The following LTBP2 variants were observed in gnomAD, a reference collection of about 807,000 sequenced individuals.
LTBP2 encodes the protein latent-transforming growth factor beta-binding protein 2.
LTBP2 carries 103 observed loss-of-function variants against 210.6 expected under a neutral mutation model. The ratio of observed to expected loss-of-function variants is 0.49; its 90% CI spans 0.42 to 0.58. The LOEUF is 0.58. Ranked by LOEUF, LTBP2 falls within the 20% of genes least tolerant of loss-of-function variation. The pLI is 0.00. For missense variants in LTBP2, 2,313 were observed against 2,494.5 expected, an observed-to-expected ratio of 0.93 and a Z score of 1.55; for synonymous variants, 1,007 against 1,015.0, an observed-to-expected ratio of 0.99 and a Z score of 0.15.
chr14:74,551,421 A>G (rs1460338196), intron 6 of LTBP2, 71 bp from the exon 7 acceptor site: 51 of 1,417,572 alleles, frequency 3.6e-5, no homozygotes, highest in Non-Finnish European at 4.2e-5. Flanking sequence ...TCTGAAGGGT[A>G]TCCACCACCC....
intron 34 of LTBP2, chr14:74,501,895 T>C (rs1182558237): frequency 4.2e-6 from 2 of 473,142 alleles, no homozygotes; most frequent in East Asian, 4.0e-5. Flanking sequence ...TCGAGGAGTG[T>C]GTTGCTACAT....
chr14:74,522,879 C>T lies in LTBP2; in HGVS notation c.2570G>A (p.Gly857Asp). 4 of 1,612,722 alleles carry T rather than the reference C, an allele frequency of 2.5e-6. No homozygotes were observed. Among genetic ancestry groups the T allele is most frequent in the Non-Finnish European group, 3.4e-6 (4 of 1,179,624 alleles). Residue 857 changes from glycine (G) to aspartate (D), a missense_variant, in exon 16 of 36, where the codon GGC becomes GAC. Gly to Asp is a moderately conservative substitution (Grantham distance 94). Transcript: ENST00000261978. ...RCAAGATNVC[G>D]PGTCVNLPDG... is the part of the protein sequence containing the mutation. ...GGGGAGGTTCACGCAGGTTCCAGGG[C>T]CACAGACGTTGGTGGCTCCAGCAGC... is the stretch of plus-strand genomic sequence containing the variant.
intron 1 of LTBP2, among the ~76,000 whole-genome samples, chr14:74,604,344 G>A (rs1187524350): frequency 6.6e-6 from 1 of 152,104 alleles, no homozygotes; most frequent in African/African-American, 2.4e-5. Flanking sequence ...TGGTGCGTGG[G>A]AAGGCTGAGC....
At chr14:74,555,418 T>G in intron 4 of LTBP2, 85 bp downstream of exon 4, 1 of 1,406,906 alleles carries the variant, frequency 7.1e-7, no homozygotes, top group Non-Finnish European at 1.0e-6. Flanking sequence ...TCAGCCCCTC[T>G]GTGAGAGCAG....
intron 2 of LTBP2, among the ~76,000 whole-genome samples, chr14:74,593,369 T>C (rs2088309611): frequency 6.6e-6 from 1 of 152,196 alleles, no homozygotes; most frequent in South Asian, 2.1e-4. Context: ...TTGGTTTGGT[T>C]TGACCCCAGC....
At chr14:74,546,257 AG>A (rs2087574897) in intron 8 of LTBP2, among the ~76,000 whole-genome samples, 1 of 152,218 alleles carries the variant, frequency 6.6e-6, no homozygotes, top group South Asian at 2.1e-4. Flanking sequence ...GGGATGATCT[AG>A]GATCCAGAAG....
chr14:74,591,739 T>C (rs1243314149), intron 2 of LTBP2, among the ~76,000 whole-genome samples: 3 of 152,236 alleles, frequency 2.0e-5, no homozygotes, highest in Admixed American at 1.3e-4. Flanking sequence ...AAATGGTCCA[T>C]GATGGTGGCT....
intron 30 of LTBP2, among the ~76,000 whole-genome samples, chr14:74,504,523 G>C (rs2086957842): frequency 2.6e-5 from 4 of 152,216 alleles, no homozygotes; most frequent in Admixed American, 2.6e-4. Flanking sequence ...GTTAGTCAAG[G>C]CATCATAGTT....
chr14:74,611,747 G>A lies in LTBP2; in HGVS notation c.198C>T (p.Ala66=), dbSNP rs751396960. 6.2e-7 allele frequency: 1 copy of A among 1,605,754 alleles called. No individual in the cohort carries two copies. The highest frequency in any genetic ancestry group is 1.7e-5 in the Admixed American group (1 of 59,866). Residue 66 remains alanine (A), a synonymous_variant, in exon 1 of 36, where the codon GCC becomes GCT. Coordinates refer to ENST00000261978, the MANE Select transcript of LTBP2 (RefSeq NM_000428.3). ...PGGSYPAAAA[A]KVYSLFREQD... is the part of the protein sequence containing the mutation. ...GCTCCCGGAACAGACTGTACACCTT[G>A]GCTGCAGCCGCTGCCGGGTAGCTGC...
chr14:74,506,105 T>G lies in LTBP2; in HGVS notation c.4120A>C (p.Ser1374Arg). 6.2e-7 allele frequency: 1 copy of G among 1,614,188 alleles called. No individual in the cohort carries two copies. Among genetic ancestry groups the G allele is most frequent in the Non-Finnish European group, 8.5e-7 (1 of 1,180,034 alleles). Residue 1374 changes from serine to arginine, a missense_variant, in exon 28 of 36, where the codon AGT (serine) becomes CGT (arginine). Physicochemically the swap from Ser to Arg is moderately radical, Grantham distance 110. Transcript: ENST00000261978. ...TGGGCATCGTACTCCTCCAGGTCAC[T>G]GGCACAGAGGCACAGGAAGGAGCCC... ...VEGSFLCLCA[S>R]DLEEYDAQEG...
rs1566629926 is a variant in LTBP2, at chr14:74,540,824, T to TTG, written c.1790-4825_1790-4824insCA. 4.9e-4 allele frequency among the ~76,000 whole-genome samples: 34 copies of TTG among 69,518 alleles called. 1 individual carries two copies. In the South Asian group the frequency reaches 5.9e-3, roughly 12 times the overall value. 45.6% of individuals were successfully genotyped at this position (69,518 alleles called of 152,430 possible). ...ATATATATATAATATATATATATTT[T>TTG]TATATAATATATATTTATATATATT... On this transcript the variant is annotated intron_variant, in intron 8 of 35. Transcript: ENST00000261978.
intron 3 of LTBP2, among the ~76,000 whole-genome samples, chr14:74,567,178 C>A (rs879901979): frequency 6.6e-6 from 1 of 152,168 alleles, no homozygotes; most frequent in Non-Finnish European, 1.5e-5. Flanking sequence ...CCCGGTCCCC[C>A]CTCAAGGGCA....
At chr14:74,540,944 A>ATATTTTTT (rs1248514534) in intron 8 of LTBP2, among the ~76,000 whole-genome samples, 1 of 24,300 alleles carries the variant, frequency 4.1e-5, no homozygotes, top group African/African-American at 9.1e-5. Context: ...ATATATATAT[A>ATATTTTTT]TTTTTTATAT....
rs1433970567 is a variant in LTBP2, at chr14:74,504,045, T to A, written c.4463A>T (p.Glu1488Val). Residue 1488 changes from glutamate to valine, a missense_variant, in exon 31 of 36, where the codon GAG (glutamate) becomes GTG (valine). By Grantham distance (121) the Glu-to-Val change is moderately radical. Coordinates refer to ENST00000261978, the MANE Select transcript of LTBP2 (RefSeq NM_000428.3). ...FGQTMYTDADECVIFGPGLCP... is the reference protein window; with the variant it reads ...FGQTMYTDADVCVIFGPGLCP... ...GAGACCAGGCCCGAATATCACACAC[T>A]CATCCGCATCTGTGGAAGGCAGAGC... 1.2e-6 allele frequency: 2 copies of A among 1,613,806 alleles called. No individual in the cohort carries two copies. The highest frequency in any genetic ancestry group is 1.7e-6 in the Non-Finnish European group (2 of 1,179,944).
rs1431431496 is a variant in LTBP2 at position 74,498,286 on chromosome 14, C to T, written c.*2598G>A. On this transcript the variant is annotated 3_prime_UTR_variant, in exon 36 of 36. Coordinates refer to ENST00000261978, the MANE Select transcript of LTBP2 (RefSeq NM_000428.3). ...AGTGAAAAGTCTCCCAATCCTGTAC[C>T]TATCCACCCTGTCACCCTCCCCACA... 1 of 185,580 alleles carries T rather than the reference C, an allele frequency of 5.4e-6. No individual in the cohort carries two copies. The highest frequency in any genetic ancestry group is 1.1e-5 in the Non-Finnish European group (1 of 87,722). The allele number at this position is 185,580 out of a possible 1,614,324, so 11.5% of individuals were successfully genotyped here.
chr14:74,596,649 A>G (rs982050421), intron 2 of LTBP2, among the ~76,000 whole-genome samples: 2 of 152,208 alleles, frequency 1.3e-5, no homozygotes, highest in Non-Finnish European at 2.9e-5. Flanking sequence ...CCTGGCCCAG[A>G]GAGGCAGCAG....
At position 74,522,824 on chromosome 14, in the gene LTBP2, G is replaced by A. The variant is rs2087224500; in HGVS notation, c.2625C>T (p.Gly875=). Residue 875 remains glycine, a synonymous_variant, in exon 16 of 36, where the codon GGC becomes GGT. Coordinates refer to ENST00000261978, the MANE Select transcript of LTBP2 (RefSeq NM_000428.3). ...PDGYRCVCSP[G]YQLHPSQAYC... is the part of the protein sequence containing the mutation. ...AGGCCTGGCTGGGGTGCAGCTGGTA[G>A]CCAGGGCTGCAGACACATCTGTATC... 1 of 1,611,992 alleles carries A rather than the reference G, an allele frequency of 6.2e-7. No individual in the cohort carries two copies. Among genetic ancestry groups the A allele is most frequent in the Non-Finnish European group, 8.5e-7 (1 of 1,179,246 alleles).
At chr14:74,509,504 T>C in intron 21 of LTBP2, 141 bp from the exon 22 acceptor site, 1 of 1,289,064 alleles carries the variant, frequency 7.8e-7, no homozygotes. Flanking sequence ...AGGACAGCCC[T>C]GCCCTCAGCT....
At chr14:74,530,987 C>A (rs2087342936) in intron 10 of LTBP2, among the ~76,000 whole-genome samples, 1 of 152,212 alleles carries the variant, frequency 6.6e-6, no homozygotes, top group Non-Finnish European at 1.5e-5. Context: ...AAATCATCAG[C>A]CGTCTGTGAG....
Sources: gnomAD v4.1 joint callset for allele counts (sites outside exome capture counted in the v4.1 genomes callset) on GRCh38, gnomAD v4.1.1 for gene constraint, MANE v1.5 for transcripts, NCBI Gene and HGNC (gene_info 2026-07-23, HGNC 2026-07-21) for gene names.